Variants in PELI2 observed in about 807,000 individuals in gnomAD.
PELI2 encodes pellino E3 ubiquitin protein ligase family member 2, also known as E3 ubiquitin-protein ligase pellino homolog 2.
Under a neutral mutation model 42.3 loss-of-function variants are expected in PELI2, and 23 were observed. That is an observed-to-expected ratio of 0.54 (90% CI 0.39 to 0.77). PELI2 has a LOEUF of 0.77. Among genes scored for constraint, PELI2 ranks in the 30% least tolerant of loss-of-function variants. PELI2 has a pLI of 0.00. For synonymous variants in PELI2, 245 were observed against 212.2 expected (o/e 1.15, Z -1.34); for missense variants, 463 against 553.2 (o/e 0.84, Z 1.64).
intron 1 of PELI2, among the ~76,000 whole-genome samples, 200 bp downstream of exon 1, chr14:56,118,937 C>T (rs1200424788): frequency 3.3e-5 from 5 of 150,186 alleles, no homozygotes; most frequent in Non-Finnish European, 5.9e-5. Context: ...CTGCGGCGGA[C>T]GCCGGGCTGC....
intron 1 of PELI2, among the ~76,000 whole-genome samples, chr14:56,163,562 T>C (rs1566614101): frequency 2.6e-5 from 4 of 152,194 alleles, no homozygotes; most frequent in Non-Finnish European, 5.9e-5. Flanking sequence ...TCTGGGTCTT[T>C]TGTTGCTCTG....
At chr14:56,275,965 T>C (rs1194223473) in intron 2 of PELI2, among the ~76,000 whole-genome samples, 3 of 152,210 alleles carry the variant, frequency 2.0e-5, no homozygotes, top group African/African-American at 7.2e-5. Flanking sequence ...TGGAAATAGA[T>C]TCCAAAACAA....
intron 1 of PELI2, among the ~76,000 whole-genome samples, chr14:56,135,205 T>G (rs1369272839): frequency 6.6e-6 from 1 of 152,164 alleles, no homozygotes. Flanking sequence ...GAGGGCCCCG[T>G]GAGTAGAAGG....
chr14:56,251,920 G>T (rs954631929), intron 2 of PELI2, among the ~76,000 whole-genome samples: 1 of 152,168 alleles, frequency 6.6e-6, no homozygotes, highest in Non-Finnish European at 1.5e-5. Context: ...ACAGCTTGAG[G>T]TGCCAAACGT....
rs1224906666 is a variant in PELI2 at position 56,245,258 on chromosome 14, G to T, written c.208-34418G>T. ...TACCAACAGTCTGTACAGTGCATGA[G>T]TTGTGATTTTCTAATTGATGTTAAT... On this transcript the variant is annotated intron_variant, in intron 2 of 5. Coordinates refer to ENST00000267460, the MANE Select transcript of PELI2 (RefSeq NM_021255.3). Among the ~76,000 whole-genome samples, 5 of 152,096 alleles carry T rather than the reference G, an allele frequency of 3.3e-5. No homozygotes were observed. The East Asian group carries it at 9.6e-4, about 29-fold the overall frequency.
chr14:56,205,824 A>G (rs924031024), intron 2 of PELI2, among the ~76,000 whole-genome samples: 14 of 152,064 alleles, frequency 9.2e-5, no homozygotes, highest in Admixed American at 7.9e-4. Flanking sequence ...TGGGTGCTGG[A>G]TGTTGGAGAT....
intron 2 of PELI2, among the ~76,000 whole-genome samples, chr14:56,224,625 T>C (rs1349984077): frequency 2.0e-5 from 3 of 152,218 alleles, no homozygotes; most frequent in African/African-American, 4.8e-5. Flanking sequence ...CCACTGCAGT[T>C]TGTCAGGATT....
Position 56,172,829 on chromosome 14 carries a change from G to A in PELI2, c.78-5506G>A, listed in dbSNP as rs143203505. On this transcript the variant is annotated intron_variant, in intron 1 of 5. Transcript: ENST00000267460. ...ATGACTCATTCTTTTCCAAATCGTGGTTGTGCATTTTCTTTCTCTTAACTG... is the reference window on the plus strand; with the variant it reads ...ATGACTCATTCTTTTCCAAATCGTGATTGTGCATTTTCTTTCTCTTAACTG... Among the ~76,000 whole-genome samples, 653 of 152,270 alleles carry A rather than the reference G, an allele frequency of 4.3e-3. 5 individuals carry two copies. The highest frequency in any genetic ancestry group is 0.015 in the African/African-American group (609 of 41,550).
At chr14:56,230,636 C>T (rs1419335259) in intron 2 of PELI2, among the ~76,000 whole-genome samples, 1 of 152,188 alleles carries the variant, frequency 6.6e-6, no homozygotes, top group Non-Finnish European at 1.5e-5. Flanking sequence ...GTACCAGCCA[C>T]TGCAAAAACA....
At chr14:56,211,125 A>G (rs985328088) in intron 2 of PELI2, among the ~76,000 whole-genome samples, 1 of 152,200 alleles carries the variant, frequency 6.6e-6, no homozygotes, top group Non-Finnish European at 1.5e-5. Context: ...AGAAGTGCCC[A>G]TAAGGACAGA....
chr14:56,189,947 A>G (rs114451841), intron 2 of PELI2, among the ~76,000 whole-genome samples: 1,837 of 152,350 alleles, frequency 0.012, 35 homozygotes, highest in African/African-American at 0.041. Flanking sequence ...TACCAATTAC[A>G]ACATTTTGAT....
In PELI2 at chr14:56,273,924, G is replaced by A. The variant is rs1351678597; in HGVS notation, c.208-5752G>A. On this transcript the variant is annotated intron_variant, in intron 2 of 5. Transcript: ENST00000267460. This position sits in a 1 kb window ranked among gnomAD's most constrained non-coding sequence, Gnocchi z 4.3. ...GATTCAGCATCTCAAAGATGTCAGG[G>A]CTCTGAGCCAACTTCTGTGAGAGTC... Among the ~76,000 whole-genome samples the A allele has an allele frequency of 6.6e-6, 1 of 152,156 alleles. No homozygotes were observed. Among genetic ancestry groups the A allele is most frequent in the African/African-American group, 2.4e-5 (1 of 41,430 alleles).
Position 56,183,046 on chromosome 14 carries a change from G to C in PELI2, c.207+4582G>C, listed in dbSNP as rs529534102. On this transcript the variant is annotated intron_variant, in intron 2 of 5. Coordinates refer to ENST00000267460, the MANE Select transcript of PELI2 (RefSeq NM_021255.3). ...CTTTTAATAACTGAGTTTTAAATAG[G>C]TCTTTCTTTGGTTTCTTTCATTGTT... Among the ~76,000 whole-genome samples the C allele has an allele frequency of 3.3e-4, 50 of 152,166 alleles. No individual in the cohort carries two copies. The South Asian group carries it at 9.6e-3, about 29-fold the overall frequency.
intron 2 of PELI2, among the ~76,000 whole-genome samples, chr14:56,242,353 A>C (rs191863322): frequency 1.3e-5 from 2 of 152,226 alleles, no homozygotes; most frequent in Non-Finnish European, 1.5e-5. Flanking sequence ...ATTGAAAACA[A>C]AATTATTTTA....
intron 2 of PELI2, among the ~76,000 whole-genome samples, chr14:56,263,243 G>A (rs1207038762): frequency 6.6e-6 from 1 of 152,158 alleles, no homozygotes; most frequent in African/African-American, 2.4e-5. Context: ...TTACAGGCAT[G>A]AGCCACCGCA....
At position 56,197,818 on chromosome 14, in the gene PELI2, G is replaced by A. The variant is rs1162590636; in HGVS notation, c.207+19354G>A. ...GGGAATTATCAGCAGATGGCCTTCA[G>A]ACTTGAACTGCAGTCTTGGTTCTTT... is the stretch of plus-strand genomic sequence containing the variant. On this transcript the variant is annotated intron_variant, in intron 2 of 5. Coordinates refer to ENST00000267460, the MANE Select transcript of PELI2 (RefSeq NM_021255.3). This position sits in a 1 kb window ranked among gnomAD's most constrained non-coding sequence, Gnocchi z 4.9. Among the ~76,000 whole-genome samples the A allele has an allele frequency of 6.6e-6, 1 of 152,072 alleles. No homozygotes were observed. Among genetic ancestry groups the A allele is most frequent in the African/African-American group, 2.4e-5 (1 of 41,384 alleles).
At chr14:56,182,534 T>G (rs531603717) in intron 2 of PELI2, among the ~76,000 whole-genome samples, 1 of 152,224 alleles carries the variant, frequency 6.6e-6, no homozygotes, top group African/African-American at 2.4e-5. Flanking sequence ...CCTTCTCAGA[T>G]TATGCTTTAT....
intron 2 of PELI2, among the ~76,000 whole-genome samples, chr14:56,193,059 T>C (rs1199022187): frequency 1.3e-5 from 2 of 152,242 alleles, no homozygotes; most frequent in African/African-American, 4.8e-5. Context: ...AACTCTGTGC[T>C]GCTTAGCAGA....
intron 2 of PELI2, among the ~76,000 whole-genome samples, chr14:56,255,516 G>T (rs1234283884): frequency 6.6e-6 from 1 of 152,122 alleles, no homozygotes; most frequent in Non-Finnish European, 1.5e-5. Context: ...GATGGCATTA[G>T]GAGAAATACC....
Sources: allele counts gnomAD v4.1 joint callset (sites outside exome capture counted in the v4.1 genomes callset), GRCh38; gene constraint gnomAD v4.1.1; non-coding constraint Gnocchi (gnomAD v3.1); transcripts MANE v1.5; gene names NCBI Gene and HGNC (gene_info 2026-07-23, HGNC 2026-07-21).